The following PRH1 variants were observed in gnomAD, a reference collection of about 807,000 sequenced individuals.
The protein encoded by PRH1 is proline rich protein HaeIII subfamily 1.
Under a neutral mutation model 7.9 loss-of-function variants are expected in PRH1, and 7 were observed. The ratio of observed to expected loss-of-function variants is 0.89; its 90% CI spans 0.50 to 1.67. The LOEUF is 1.67. Among genes scored for constraint, PRH1 ranks in the 40% most tolerant of loss-of-function variants. PRH1 has a pLI of 0.00. For missense variants in PRH1, 109 were observed against 223.6 expected (o/e 0.49, Z 3.27); for synonymous variants, 45 against 80.8 (o/e 0.56, Z 2.38).
intron 2 of PRH1, among the ~76,000 whole-genome samples, chr12:10,921,000 T>C (rs148771416): frequency 0.011 from 1,729 of 152,198 alleles, 82 homozygotes; most frequent in Admixed American, 0.081. Context: ...TTATTTACTT[T>C]CTAGTTTTAA....
chr12:11,019,017 A>AG (rs1941448252), intron 1 of PRH1, among the ~76,000 whole-genome samples: 1 of 152,284 alleles, frequency 6.6e-6, no homozygotes, highest in South Asian at 2.1e-4. Context: ...TTAAAAAAAA[A>AG]CTATCTCTTA....
intron 2 of PRH1, among the ~76,000 whole-genome samples, chr12:10,923,193 T>G (rs1184230839): frequency 6.6e-6 from 1 of 151,562 alleles, no homozygotes; most frequent in Non-Finnish European, 1.5e-5. Flanking sequence ...TGGTGTGATC[T>G]TGGCTCAGTG....
intron 1 of PRH1, among the ~76,000 whole-genome samples, chr12:11,099,475 G>A (rs1317687241): frequency 6.6e-6 from 1 of 152,090 alleles, no homozygotes; most frequent in Non-Finnish European, 1.5e-5. Context: ...GAGGAGGGCA[G>A]ATCACGAGGT....
chr12:11,133,973 G>T (rs748755009), intron 1 of PRH1: 53 of 1,613,930 alleles, frequency 3.3e-5, no homozygotes, highest in Non-Finnish European at 4.1e-5. Context: ...GAAATGGTTG[G>T]TTACTGCCCA....
At chr12:11,167,716 A>T (rs2136471239) in intron 1 of PRH1, among the ~76,000 whole-genome samples, 1 of 152,104 alleles carries the variant, frequency 6.6e-6, no homozygotes, top group South Asian at 2.1e-4. Flanking sequence ...AAAGTGCTAA[A>T]ATTCAGTTTA....
chr12:10,986,662 A>T, intron 1 of PRH1: 1 of 1,612,240 alleles, frequency 6.2e-7, no homozygotes, highest in South Asian at 1.1e-5. Flanking sequence ...ACAGTTAAAT[A>T]CCAATTTAAT....
intron 1 of PRH1, among the ~76,000 whole-genome samples, chr12:11,170,212 A>G (rs1259102129): frequency 2.0e-5 from 3 of 152,342 alleles, no homozygotes; most frequent in South Asian, 2.1e-4. Context: ...TATTGTGGCT[A>G]TTAGAGATTC....
At chr12:10,914,067 T>C (rs533450629) in intron 2 of PRH1, among the ~76,000 whole-genome samples, 12 of 152,270 alleles carry the variant, frequency 7.9e-5, no homozygotes, top group African/African-American at 2.4e-4. Flanking sequence ...ACTTGATTCA[T>C]TGGCAGTGAG....
intron 1 of PRH1, chr12:11,022,745 A>C (rs1941725862): frequency 3.4e-6 from 2 of 581,658 alleles, no homozygotes; most frequent in South Asian, 4.9e-5. Context: ...AGATGAATTC[A>C]AAACTGTCTT....
intron 1 of PRH1, among the ~76,000 whole-genome samples, chr12:11,163,343 A>C (rs1249890512): frequency 6.7e-6 from 1 of 149,282 alleles, no homozygotes; most frequent in African/African-American, 2.4e-5. Context: ...ATTAAAATAA[A>C]GGAATATTAA....
At chr12:11,163,257 C>T (rs1359347829) in intron 1 of PRH1, among the ~76,000 whole-genome samples, 3 of 152,082 alleles carry the variant, frequency 2.0e-5, no homozygotes, top group African/African-American at 7.2e-5. Flanking sequence ...AGGAAAGAAG[C>T]TAGGCTTCTC....
Position 10,959,869 on chromosome 12 carries a change from C to G in PRH1, c.-59+13786G>C, listed in dbSNP as rs138055182. ...TGATTAAAGATTGAAGAATTGAGACCTTCGGCAGTGTGACATTTTCAGTTT... is the reference window on the plus strand; with the variant it reads ...TGATTAAAGATTGAAGAATTGAGACGTTCGGCAGTGTGACATTTTCAGTTT... On this transcript the variant is annotated intron_variant, in intron 2 of 3. Transcript: ENST00000539853. 2.0e-5 allele frequency among the ~76,000 whole-genome samples: 3 copies of G among 152,170 alleles called. No individual in the cohort carries two copies. In the East Asian group the frequency reaches 5.8e-4, roughly 29 times the overall value.
At chr12:10,962,926 C>T (rs1420946897) in intron 2 of PRH1, among the ~76,000 whole-genome samples, 11 of 152,168 alleles carry the variant, frequency 7.2e-5, no homozygotes, top group Admixed American at 7.2e-4. Flanking sequence ...CCCGCCACCA[C>T]GCCCTGCTAA....
intron 2 of PRH1, chr12:10,964,682 T>G (rs1938417299): frequency 1.6e-6 from 1 of 613,612 alleles, no homozygotes; most frequent in Non-Finnish European, 2.9e-6. Context: ...AGCTTTTATG[T>G]GGACCTTGGT....
At chr12:10,892,663 T>G (rs1463997218) in intron 2 of PRH1, among the ~76,000 whole-genome samples, 1 of 152,166 alleles carries the variant, frequency 6.6e-6, no homozygotes, top group African/African-American at 2.4e-5. Flanking sequence ...AAAATTGTTA[T>G]GGAGGTAAAT....
intron 1 of PRH1, among the ~76,000 whole-genome samples, chr12:11,144,154 G>A (rs1946796926): frequency 6.6e-6 from 1 of 152,150 alleles, no homozygotes; most frequent in Non-Finnish European, 1.5e-5. Context: ...AGATCTCCCA[G>A]AATTATATAC....
rs75569441 is a variant in PRH1, at chr12:11,057,905, C to A, written n.124-10717G>T. Among the ~76,000 whole-genome samples, 1,290 of 152,360 alleles carry A rather than the reference C, an allele frequency of 8.5e-3. 15 individuals are homozygous for A. The highest frequency in any genetic ancestry group is 0.041 in the Middle Eastern group (12 of 294). ...ATGTCAGGACTATGTCACTTCTGTT[C>A]TCTGTTTAATTTACATTTTTTTAAA... On this transcript the variant is annotated intron_variant and non_coding_transcript_variant, in intron 1 of 4. Coordinates refer to the PRH1 transcript ENST00000541977.
chr12:11,156,094 G>T (rs1947239164), intron 1 of PRH1, among the ~76,000 whole-genome samples: 1 of 151,894 alleles, frequency 6.6e-6, no homozygotes, highest in South Asian at 2.1e-4. Flanking sequence ...CTTCAACTTT[G>T]TATTTTCAGT....
chr12:10,900,258 T>C, intron 2 of PRH1, among the ~76,000 whole-genome samples: 1 of 151,858 alleles, frequency 6.6e-6, no homozygotes, highest in African/African-American at 2.4e-5. Flanking sequence ...GAGGGAAGAG[T>C]ACCTTGTTTC....
Sources: allele counts gnomAD v4.1 joint callset (sites outside exome capture counted in the v4.1 genomes callset), GRCh38; gene constraint gnomAD v4.1.1; transcripts MANE v1.5; gene names NCBI Gene and HGNC (gene_info 2026-07-23, HGNC 2026-07-21).